GABRB3: variants seen among roughly 807,000 people sequenced by gnomAD.
GABRB3 encodes the protein gamma-aminobutyric acid type A receptor subunit beta3, also known as gamma-aminobutyric acid receptor subunit beta-3.
Under a neutral mutation model 52.1 loss-of-function variants are expected in GABRB3, and 14 were observed. The ratio of observed to expected loss-of-function variants is 0.27; its 90% CI spans 0.18 to 0.42. The LOEUF (loss-of-function observed/expected upper bound fraction) is 0.42. Among genes scored for constraint, GABRB3 ranks in the 10% least tolerant of loss-of-function variants. The pLI is 1.00. For synonymous variants in GABRB3, 260 were observed against 232.3 expected (o/e 1.12, Z -1.08); for missense variants, 307 against 609.1 (o/e 0.50, Z 5.22).
chr15:26,555,386 A>G (rs1467154198), intron 8 of GABRB3, among the ~76,000 whole-genome samples: 1 of 152,166 alleles, frequency 6.6e-6, no homozygotes, highest in Admixed American at 6.5e-5. Context: ...ATCGGGTAAA[A>G]TGAATGTTGA....
intron 4 of GABRB3, among the ~76,000 whole-genome samples, chr15:26,604,190 C>T (rs949930309): frequency 5.3e-5 from 8 of 152,000 alleles, no homozygotes; most frequent in African/African-American, 1.9e-4. Flanking sequence ...AATTAAATAC[C>T]TATGAATTAC....
At chr15:26,736,363 C>A (rs1890066362) in intron 3 of GABRB3, among the ~76,000 whole-genome samples, 1 of 152,224 alleles carries the variant, frequency 6.6e-6, no homozygotes, top group Non-Finnish European at 1.5e-5. Flanking sequence ...ATACACTATT[C>A]AATAACATGA....
rs1888686152 is a variant in GABRB3 at position 26,694,788 on chromosome 15, T to C, written c.241-73254A>G. 2.0e-5 allele frequency among the ~76,000 whole-genome samples: 3 copies of C among 152,190 alleles called. No homozygotes were observed. The South Asian group carries it at 6.2e-4, about 32-fold the overall frequency. ...TAAAAAATAGCTATGACTAATATGC[T>C]TAGGGCTCTAATAGAAAAAATGTGC... On this transcript the variant is annotated intron_variant, in intron 3 of 8. Transcript: ENST00000311550.
intron 3 of GABRB3, among the ~76,000 whole-genome samples, chr15:26,759,382 C>T (rs1057326889): frequency 1.8e-4 from 28 of 152,200 alleles, no homozygotes; most frequent in Admixed American, 7.2e-4. Flanking sequence ...TGCCTCAGCC[C>T]CCTGAGTAGC....
At chr15:26,684,442 T>G (rs993955569) in intron 3 of GABRB3, among the ~76,000 whole-genome samples, 2 of 152,094 alleles carry the variant, frequency 1.3e-5, no homozygotes, top group Non-Finnish European at 2.9e-5. Context: ...AGTGCACCAG[T>G]GTGTAGCATT....
At chr15:26,651,327 G>A (rs746381640) in intron 3 of GABRB3, among the ~76,000 whole-genome samples, 13 of 152,222 alleles carry the variant, frequency 8.5e-5, no homozygotes, top group Admixed American at 2.0e-4. Flanking sequence ...AATAAACAGG[G>A]CACCCCTGTG....
At chr15:26,619,191 T>C (rs1183787130) in intron 4 of GABRB3, among the ~76,000 whole-genome samples, 1 of 151,900 alleles carries the variant, frequency 6.6e-6, no homozygotes, top group East Asian at 1.9e-4. Context: ...GGACTATAAA[T>C]CATGCTGCTA....
At chr15:26,684,313 G>A (rs1380323927) in intron 3 of GABRB3, among the ~76,000 whole-genome samples, 4 of 152,066 alleles carry the variant, frequency 2.6e-5, no homozygotes, top group Non-Finnish European at 5.9e-5. Flanking sequence ...CAGGGTGGAG[G>A]TCTGGTGGCC....
At chr15:26,656,800 G>A (rs1887387293) in intron 3 of GABRB3, among the ~76,000 whole-genome samples, 1 of 152,226 alleles carries the variant, frequency 6.6e-6, no homozygotes, top group Non-Finnish European at 1.5e-5. Context: ...CCACGAAACA[G>A]ATGCCTGGTG....
intron 4 of GABRB3, among the ~76,000 whole-genome samples, chr15:26,584,535 A>C (rs1374274646): frequency 6.6e-6 from 1 of 152,164 alleles, no homozygotes; most frequent in Non-Finnish European, 1.5e-5. Context: ...CTCCTATTTT[A>C]TCAATTATGA....
chr15:26,677,344 T>C (rs576040582), intron 3 of GABRB3, among the ~76,000 whole-genome samples: 2 of 152,358 alleles, frequency 1.3e-5, no homozygotes, highest in South Asian at 4.1e-4. Flanking sequence ...ATACAAATCT[T>C]GTTCATTCAT....
chr15:26,545,011 ACT>A lies in GABRB3; in HGVS notation c.*2780_*2781del, dbSNP rs1889175092. The A allele has an allele frequency of 2.0e-5, 3 of 152,384 alleles. No homozygotes were observed. The allele number at this position is 152,384 out of a possible 1,614,324, so 9.4% of individuals were successfully genotyped here. On this transcript the variant is annotated 3_prime_UTR_variant, in exon 9 of 9. Transcript: ENST00000311550. ...TTAACACAACAGAGACTCCAATTCA[ACT>A]CTCTTCTGTTAACACAGTCAGAGTT...
chr15:26,619,097 G>C (rs1163656366), intron 4 of GABRB3, among the ~76,000 whole-genome samples: 1 of 151,864 alleles, frequency 6.6e-6, no homozygotes, highest in Non-Finnish European at 1.5e-5. Flanking sequence ...AACCATTGTG[G>C]AAGTCACTGT....
At chr15:26,585,587 C>G (rs978501406) in intron 4 of GABRB3, among the ~76,000 whole-genome samples, 5 of 152,168 alleles carry the variant, frequency 3.3e-5, no homozygotes, top group Non-Finnish European at 7.3e-5. Context: ...AGGGATAATG[C>G]CAACATATTT....
intron 3 of GABRB3, among the ~76,000 whole-genome samples, chr15:26,674,304 G>A (rs753154157): frequency 1.8e-4 from 27 of 150,440 alleles, no homozygotes; most frequent in Admixed American, 4.6e-4. Flanking sequence ...GGGAGGCTGA[G>A]GCAGAAGAAT....
chr15:26,624,101 G>T, intron 3 of GABRB3: 1 of 687,470 alleles, frequency 1.5e-6, no homozygotes, highest in Non-Finnish European at 1.8e-6. Context: ...GTGCTGAGTG[G>T]TGGGTAAAGC....
In GABRB3 at chr15:26,772,946, C is replaced by G. The variant is rs765680963; in HGVS notation, c.17G>C (p.Gly6Ala). Residue 6 changes from glycine (G) to alanine (A), a missense_variant, in exon 1 of 9, where the codon GGA (glycine) becomes GCA (alanine). By Grantham distance (60) the Gly-to-Ala change is moderately conservative. Coordinates refer to ENST00000311550, the MANE Select transcript of GABRB3 (RefSeq NM_000814.6). MWGLA[G>A]GRLFGIFSAP... ...CGAGAAGATGCCGAAAAGCCTTCCT[C>G]CCGCAAGGCCCCACATCCCTCCGCC... 1.4e-6 allele frequency: 2 copies of G among 1,472,950 alleles called. No homozygotes were observed. Among genetic ancestry groups the G allele is most frequent in the Non-Finnish European group, 1.8e-6 (2 of 1,109,052 alleles). 91.2% of individuals were successfully genotyped at this position (1,472,950 alleles called of 1,614,324 possible).
At chr15:26,609,274 T>G (rs933143346) in intron 4 of GABRB3, among the ~76,000 whole-genome samples, 2 of 152,044 alleles carry the variant, frequency 1.3e-5, no homozygotes, top group African/African-American at 4.8e-5. Flanking sequence ...GTTTGTGGGA[T>G]CTACAGTTGA....
rs1332865286 is a variant in GABRB3 at position 26,545,097 on chromosome 15, GAAGAA to G, written c.*2691_*2695del. 10 of 152,516 alleles carry G rather than the reference GAAGAA, an allele frequency of 6.6e-5. No homozygotes were observed. The highest frequency in any genetic ancestry group is 2.1e-4 in the South Asian group (1 of 4,830). The allele number at this position is 152,516 out of a possible 1,614,324, so 9.4% of individuals were successfully genotyped here. On this transcript the variant is annotated 3_prime_UTR_variant, in exon 9 of 9. Coordinates refer to ENST00000311550, the MANE Select transcript of GABRB3 (RefSeq NM_000814.6). ...GAGAAGCTATAAAATAATTTTGTTA[GAAGAA>G]AAGTAATTTTCTTCTGAAATGGAGT...
Sources: gnomAD v4.1 joint callset for allele counts (sites outside exome capture counted in the v4.1 genomes callset) on GRCh38, gnomAD v4.1.1 for gene constraint, MANE v1.5 for transcripts, NCBI Gene and HGNC (gene_info 2026-07-23, HGNC 2026-07-21) for gene names.